The following SNX24 variants were observed in gnomAD, a reference collection of about 807,000 sequenced individuals.
SNX24 encodes sorting nexin 24.
In SNX24, 22 loss-of-function variants were observed where a neutral mutation model predicts 28.7. The observed-to-expected ratio is 0.77, with a 90% CI of 0.55 to 1.10. SNX24 has a LOEUF of 1.10. Among genes scored for constraint, SNX24 ranks in the 50% least tolerant of loss-of-function variants. SNX24 has a pLI of 0.00. For missense variants in SNX24, 221 were observed against 201.1 expected (o/e 1.10, Z -0.60); for synonymous variants, 69 against 71.5 (o/e 0.96, Z 0.18).
At chr5:123,017,615 G>A (rs1239756389) in intron 5 of SNX24, among the ~76,000 whole-genome samples, 1 of 152,060 alleles carries the variant, frequency 6.6e-6, no homozygotes, top group South Asian at 2.1e-4. Flanking sequence ...ATCTTGACTT[G>A]TGGCTCCCAC....
At chr5:123,023,668 C>T (rs764327393) in intron 5 of SNX24, 3 of 679,316 alleles carry the variant, frequency 4.4e-6, no homozygotes, top group Non-Finnish European at 6.1e-6. Context: ...TATTTAAGTT[C>T]AAAGTCCCTA....
intron 1 of SNX24, among the ~76,000 whole-genome samples, chr5:122,853,358 A>G (rs973777221): frequency 6.6e-6 from 1 of 151,910 alleles, no homozygotes; most frequent in Non-Finnish European, 1.5e-5. Context: ...CGATCTCCTG[A>G]CCTTGTGATC....
chr5:122,902,811 C>T (rs950385927), intron 1 of SNX24, among the ~76,000 whole-genome samples: 10 of 152,182 alleles, frequency 6.6e-5, no homozygotes, highest in African/African-American at 2.4e-4. Flanking sequence ...CCCAGCTTAC[C>T]TCTTTAACCT....
intron 1 of SNX24, among the ~76,000 whole-genome samples, chr5:122,883,410 T>G (rs1756564927): frequency 6.6e-6 from 1 of 152,228 alleles, no homozygotes; most frequent in Non-Finnish European, 1.5e-5. Flanking sequence ...TAGTTAAATT[T>G]ATTGAACAGA....
intron 5 of SNX24, among the ~76,000 whole-genome samples, chr5:123,015,773 A>C (rs1167122301): frequency 2.6e-5 from 4 of 152,122 alleles, no homozygotes; most frequent in East Asian, 3.9e-4. Flanking sequence ...AGAAAAAAAA[A>C]CACCTCAATA....
rs1762243919 is a variant in SNX24 at position 123,001,453 on chromosome 5, C to T, written c.377+16C>T. On this transcript the variant is annotated intron_variant, in intron 5 of 6. Transcript: ENST00000261369. ...AAGAGTCAAGGTAAGGACTAATCCTCATCAGCCAGGAATAGGATTATGGTT... is the reference window on the plus strand; with the variant it reads ...AAGAGTCAAGGTAAGGACTAATCCTTATCAGCCAGGAATAGGATTATGGTT... 6.4e-7 allele frequency: 1 copy of T among 1,558,814 alleles called. No individual in the cohort carries two copies. Among genetic ancestry groups the T allele is most frequent in the South Asian group, 1.1e-5 (1 of 88,518 alleles).
At chr5:122,974,735 C>G (rs938044167) in intron 3 of SNX24, among the ~76,000 whole-genome samples, 2 of 152,184 alleles carry the variant, frequency 1.3e-5, no homozygotes, top group African/African-American at 4.8e-5. Context: ...CTGCATCTCT[C>G]AAGTCCTTGA....
At chr5:122,919,609 A>G (rs437824) in intron 1 of SNX24, among the ~76,000 whole-genome samples, 3,370 of 152,164 alleles carry the variant, frequency 0.022, 60 homozygotes, top group Non-Finnish European at 0.038. Context: ...TATTAAAAAT[A>G]TCCCAATGGT....
intron 3 of SNX24, among the ~76,000 whole-genome samples, chr5:122,983,796 A>G (rs141714352): frequency 1.9e-4 from 29 of 152,304 alleles, no homozygotes; most frequent in African/African-American, 6.7e-4. Flanking sequence ...TGTAGAGATG[A>G]GGTCTCACTA....
At chr5:122,976,024 T>C (rs995181079) in intron 3 of SNX24, among the ~76,000 whole-genome samples, 3 of 152,166 alleles carry the variant, frequency 2.0e-5, no homozygotes, top group Non-Finnish European at 4.4e-5. Flanking sequence ...CATTGCCCAA[T>C]AAGAGGGGAT....
At chr5:122,953,462 C>CAAACA (rs1760057634) in intron 3 of SNX24, among the ~76,000 whole-genome samples, 1 of 151,496 alleles carries the variant, frequency 6.6e-6, no homozygotes, top group Non-Finnish European at 1.5e-5. Context: ...TGACAGAATC[C>CAAACA]TTGTAATGCC....
chr5:122,919,142 A>G (rs17451488), intron 1 of SNX24, among the ~76,000 whole-genome samples: 4,277 of 152,380 alleles, frequency 0.028, 75 homozygotes, highest in Middle Eastern at 0.054. Context: ...ACTGAATTAG[A>G]AAGCAAGACA....
intron 5 of SNX24, among the ~76,000 whole-genome samples, chr5:123,017,261 A>G (rs1394708023): frequency 6.6e-6 from 1 of 151,984 alleles, no homozygotes; most frequent in Admixed American, 6.6e-5. Context: ...CACAGTACCT[A>G]AGACTCTAGG....
At chr5:122,876,698 A>T (rs969687587) in intron 1 of SNX24, among the ~76,000 whole-genome samples, 3 of 152,184 alleles carry the variant, frequency 2.0e-5, no homozygotes, top group African/African-American at 7.2e-5. Flanking sequence ...ATCTATAATG[A>T]ATGCCCTATG....
chr5:123,021,568 T>C (rs1265875866), intron 5 of SNX24, among the ~76,000 whole-genome samples: 1 of 152,218 alleles, frequency 6.6e-6, no homozygotes, highest in African/African-American at 2.4e-5. Context: ...CAAAAAGTTA[T>C]AAATGTTTGG....
At chr5:122,972,635 T>C (rs2150148936) in intron 3 of SNX24, among the ~76,000 whole-genome samples, 1 of 152,320 alleles carries the variant, frequency 6.6e-6, no homozygotes, top group South Asian at 2.1e-4. Flanking sequence ...GGCAGTGCTG[T>C]GTGAAATACC....
At chr5:122,978,277 T>C (rs1023153077) in intron 3 of SNX24, among the ~76,000 whole-genome samples, 64 of 152,202 alleles carry the variant, frequency 4.2e-4, no homozygotes, top group African/African-American at 1.5e-3. Flanking sequence ...TTTGAACTGT[T>C]TTGTAATAGT....
intron 2 of SNX24, among the ~76,000 whole-genome samples, chr5:122,945,739 A>C (rs529091579): frequency 6.6e-6 from 1 of 152,292 alleles, no homozygotes; most frequent in Non-Finnish European, 1.5e-5. Flanking sequence ...GATTTTTGTA[A>C]CTAAATTTCT....
At chr5:122,972,097 G>T (rs992361015) in intron 3 of SNX24, among the ~76,000 whole-genome samples, 4 of 152,128 alleles carry the variant, frequency 2.6e-5, no homozygotes, top group African/African-American at 9.7e-5. Flanking sequence ...GTCTTGGTCA[G>T]TCACCCCAAC....
Sources: gnomAD v4.1 joint callset for allele counts (sites outside exome capture counted in the v4.1 genomes callset) on GRCh38, gnomAD v4.1.1 for gene constraint, MANE v1.5 for transcripts, NCBI Gene and HGNC (gene_info 2026-07-23, HGNC 2026-07-21) for gene names.